The following RBP2 variants were observed in gnomAD, a reference collection of about 807,000 sequenced individuals.
RBP2 encodes the protein retinol binding protein 2.
RBP2 carries 17 observed loss-of-function variants against 17.0 expected under a neutral mutation model. That is an observed-to-expected ratio of 1.00 (90% CI 0.68 to 1.50). The LOEUF is 1.50. RBP2 is among the 40% of genes most tolerant of loss of function. The pLI, the probability that RBP2 is intolerant of heterozygous loss-of-function variation, is 0.00. For missense variants in RBP2, 158 were observed against 168.2 expected (o/e 0.94, Z 0.33); for synonymous variants, 48 against 57.1 (o/e 0.84, Z 0.72).
chr3:139,472,068 G>T (rs1291301790), intron 1 of RBP2, among the ~76,000 whole-genome samples: 4 of 152,106 alleles, frequency 2.6e-5, no homozygotes. Flanking sequence ...GCCCATGCCT[G>T]TGCACACACC....
intron 1 of RBP2, among the ~76,000 whole-genome samples, chr3:139,469,812 G>A (rs772274802): frequency 6.6e-6 from 1 of 151,898 alleles, no homozygotes; most frequent in Non-Finnish European, 1.5e-5. Flanking sequence ...TACTTTGGAT[G>A]CCTCCATTTG....
chr3:139,473,834 A>T (rs3772874), intron 1 of RBP2, among the ~76,000 whole-genome samples: 1 of 152,012 alleles, frequency 6.6e-6, no homozygotes, highest in Non-Finnish European at 1.5e-5. Context: ...TGGTGATAAG[A>T]TGACTCTGGG....
chr3:139,466,829 A>G (rs1191178248), intron 1 of RBP2: 2 of 152,122 alleles, frequency 1.3e-5, no homozygotes, highest in East Asian at 3.9e-4. Flanking sequence ...GTGTTTTCCC[A>G]CATATCCCTT....
At chr3:139,472,856 G>A (rs546986610) in intron 1 of RBP2, among the ~76,000 whole-genome samples, 88 of 152,318 alleles carry the variant, frequency 5.8e-4, no homozygotes, top group Non-Finnish European at 1.0e-3. Flanking sequence ...GACTCCTTGA[G>A]AGCAGATTCC....
rs1348363885 is a variant in RBP2 at position 139,476,454 on chromosome 3, T to C, written c.6A>G (p.Thr2=). The stretch of plus-strand genomic sequence containing the variant: ...TCTCCCAGGTTCCATTCTGGTCCCT[T>C]GTCATGGTGGTGGCCACTGGTTCGG... M[T]RDQNGTWEME... The change falls in exon 1 of 4, where the codon ACA becomes ACG. Residue 2 remains threonine (T), a synonymous_variant. Coordinates refer to ENST00000232217, the MANE Select transcript of RBP2 (RefSeq NM_004164.3). 6.2e-7 allele frequency: 1 copy of C among 1,613,744 alleles called. No individual in the cohort carries two copies. The highest frequency in any genetic ancestry group is 1.7e-5 in the Admixed American group (1 of 59,974).
Position 139,461,075 on chromosome 3 carries a change from G to C in RBP2, c.252+1037C>G, listed in dbSNP as rs536998462. Among the ~76,000 whole-genome samples, 9 of 152,248 alleles carry C rather than the reference G, an allele frequency of 5.9e-5. No individual in the cohort carries two copies. The South Asian group carries it at 1.9e-3, about 32-fold the overall frequency. On this transcript the variant is annotated intron_variant, in intron 2 of 3. Transcript: ENST00000232217. ...GATTGGATTTCTCCTATTCCTGTTT[G>C]GTGGGGACTGACCAGGTGTAATTTG...
At chr3:139,453,233 C>G (rs1035665609) in intron 3 of RBP2, 67 bp from the exon 4 acceptor site, 1 of 1,578,874 alleles carries the variant, frequency 6.3e-7, no homozygotes. Flanking sequence ...CCCTCAGCCC[C>G]CTTGGTATCT....
intron 1 of RBP2, among the ~76,000 whole-genome samples, chr3:139,470,713 G>A (rs911527967): frequency 6.6e-6 from 1 of 151,618 alleles, no homozygotes; most frequent in Non-Finnish European, 1.5e-5. Context: ...TGAGTAGCTG[G>A]GACCACAGGA....
At chr3:139,454,880 G>T (rs2107864567) in intron 2 of RBP2, 50 bp from the exon 3 acceptor site, 2 of 1,553,628 alleles carry the variant, frequency 1.3e-6, no homozygotes, top group Non-Finnish European at 1.8e-6. Flanking sequence ...TTGAGGGACT[G>T]AACAAATCTA....
Position 139,476,414 on chromosome 3 carries a change from T to G in RBP2, c.46A>C (p.Asn16His), listed in dbSNP as rs753305492. Reference sequence around the variant, plus strand: ...AGGGCCTTCATGTAGCCCTCAAAGTTTTCATTACTCTCCATCTCCCAGGTT... The same window carrying G: ...AGGGCCTTCATGTAGCCCTCAAAGTGTTCATTACTCTCCATCTCCCAGGTT... Reference protein sequence around the residue: ...NGTWEMESNENFEGYMKALDI... With the variant: ...NGTWEMESNEHFEGYMKALDI... The change falls in exon 1 of 4, where the codon AAC becomes CAC. Residue 16 changes from asparagine (N) to histidine (H), a missense_variant. Asn to His is a moderately conservative substitution (Grantham distance 68, BLOSUM62 1). Coordinates refer to ENST00000232217, the MANE Select transcript of RBP2 (RefSeq NM_004164.3). The G allele has an allele frequency of 6.2e-7, 1 of 1,613,604 alleles. No individual in the cohort carries two copies. The highest frequency in any genetic ancestry group is 2.2e-5 in the East Asian group (1 of 44,854).
chr3:139,469,679 G>A (rs139513727), intron 1 of RBP2, among the ~76,000 whole-genome samples: 315 of 130,928 alleles, frequency 2.4e-3, no homozygotes, highest in African/African-American at 8.8e-3. Flanking sequence ...CTGTCTGTCT[G>A]TCTGTCTGTC....
rs368402057 is a variant in RBP2, at chr3:139,456,538, T to C, written c.253-1708A>G. Among the ~76,000 whole-genome samples the C allele has an allele frequency of 3.3e-5, 5 of 152,246 alleles. No individual in the cohort carries two copies. In the South Asian group the frequency reaches 6.2e-4, roughly 19 times the overall value. On this transcript the variant is annotated intron_variant, in intron 2 of 3. Transcript: ENST00000232217. ...TGCAGTCATTGAAAGAATATAGCCG[T>C]AGTGTATGGTTTAAGTCGAAAAAGC...
chr3:139,454,019 C>T (rs1943354468), intron 3 of RBP2, among the ~76,000 whole-genome samples: 1 of 151,536 alleles, frequency 6.6e-6, no homozygotes. Flanking sequence ...CAGGTACCTG[C>T]CTCATTCCAA....
In RBP2 at chr3:139,452,970, A is replaced by G. The variant is rs1023963306; in HGVS notation, c.*146T>C. On this transcript the variant is annotated 3_prime_UTR_variant, in exon 4 of 4. Coordinates refer to ENST00000232217, the MANE Select transcript of RBP2 (RefSeq NM_004164.3). ...AGGGGAATATGTCTATCACTGCTAC[A>G]TAGGCATTCTGTTTAAAACCCACCC... 6 of 801,464 alleles carry G rather than the reference A, an allele frequency of 7.5e-6. No individual in the cohort carries two copies. The highest frequency in any genetic ancestry group is 3.4e-5 in the African/African-American group (2 of 59,260). 49.6% of individuals were successfully genotyped at this position (801,464 alleles called of 1,614,324 possible).
chr3:139,455,108 A>G (rs1357628208), intron 2 of RBP2, among the ~76,000 whole-genome samples: 1 of 152,150 alleles, frequency 6.6e-6, no homozygotes, highest in Non-Finnish European at 1.5e-5. Flanking sequence ...ATCAGTGGGG[A>G]GAAGATGATA....
intron 1 of RBP2, among the ~76,000 whole-genome samples, chr3:139,475,517 T>C (rs1293658792): frequency 6.6e-6 from 1 of 152,080 alleles, no homozygotes; most frequent in African/African-American, 2.4e-5. Context: ...ATTGGGCCTC[T>C]AACTCCACCC....
intron 2 of RBP2, among the ~76,000 whole-genome samples, chr3:139,458,682 G>T (rs1457295895): frequency 6.6e-6 from 1 of 152,040 alleles, no homozygotes; most frequent in Admixed American, 6.6e-5. Flanking sequence ...GCCTGTTCTG[G>T]ACGTCTCACA....
At chr3:139,458,937 C>T (rs893642952) in intron 2 of RBP2, among the ~76,000 whole-genome samples, 1 of 152,146 alleles carries the variant, frequency 6.6e-6, no homozygotes, top group African/African-American at 2.4e-5. Flanking sequence ...GTTGGGAATA[C>T]ATAGAACCCA....
chr3:139,467,200 G>GT (rs1933395637), intron 1 of RBP2, among the ~76,000 whole-genome samples: 1 of 152,184 alleles, frequency 6.6e-6, no homozygotes, highest in African/African-American at 2.4e-5. Context: ...GGCCAGGACA[G>GT]TGATTATTAA....
Sources: gnomAD v4.1 joint callset for allele counts (sites outside exome capture counted in the v4.1 genomes callset) on GRCh38, gnomAD v4.1.1 for gene constraint, MANE v1.5 for transcripts, NCBI Gene and HGNC (gene_info 2026-07-23, HGNC 2026-07-21) for gene names.